Variants in SPINT1 observed in about 807,000 individuals in gnomAD.
SPINT1 encodes the protein serine peptidase inhibitor, Kunitz type 1.
Under a neutral mutation model 53.7 loss-of-function variants are expected in SPINT1, and 38 were observed. The ratio of observed to expected loss-of-function variants is 0.71; its 90% CI spans 0.55 to 0.93. The LOEUF is 0.93. Among genes scored for constraint, SPINT1 ranks in the 40% least tolerant of loss-of-function variants. SPINT1 has a pLI of 0.00. For missense variants in SPINT1, 645 were observed against 692.9 expected (o/e 0.93, Z 0.78); for synonymous variants, 283 against 280.6 (o/e 1.01, Z -0.08).
chr15:40,854,671 C>G lies in SPINT1; in HGVS notation c.1099C>G (p.His367Asp). Residue 367 changes from histidine to aspartate, a missense_variant, in exon 8 of 11, where the codon CAT becomes GAT. His to Asp is a moderately conservative substitution (Grantham distance 81). Transcript: ENST00000562057. ...TGGCTTTGACGAGCTCCAGCGCATC[C>G]ATTTCCCCAGTGACAAAGGTGAGAT... Reference protein sequence around the residue: ...TSGFDELQRIHFPSDKGHCVD... With the variant: ...TSGFDELQRIDFPSDKGHCVD... The G allele has an allele frequency of 6.2e-7, 1 of 1,614,184 alleles. No individual in the cohort carries two copies.
chr15:40,845,171 G>T lies in SPINT1; in HGVS notation c.475+142G>T, dbSNP rs536678624. The T allele has an allele frequency of 8.3e-6, 6 of 721,066 alleles. No individual in the cohort carries two copies. In the African/African-American group the frequency reaches 1.1e-4, roughly 13 times the overall value. The allele number at this position is 721,066 out of a possible 1,614,324, so 44.7% of individuals were successfully genotyped here. ...TTTTTCTTTCTTTTTTTTTGCGACGGAGTCTCGCTCTTGTCGCCCAGGCTG... is the reference window on the plus strand; with the variant it reads ...TTTTTCTTTCTTTTTTTTTGCGACGTAGTCTCGCTCTTGTCGCCCAGGCTG... On this transcript the variant is annotated intron_variant, in intron 2 of 10. Transcript: ENST00000562057.
intron 3 of SPINT1, 101 bp downstream of exon 3, chr15:40,853,352 G>C: frequency 1.2e-6 from 2 of 1,600,614 alleles, no homozygotes; most frequent in South Asian, 2.2e-5. Flanking sequence ...GATGGGATGG[G>C]GTGGAGAGAG....
chr15:40,844,740 G>C lies in SPINT1; in HGVS notation c.186G>C (p.Val62=). 1 of 1,610,336 alleles carries C rather than the reference G, an allele frequency of 6.2e-7. No individual in the cohort carries two copies. The stretch of plus-strand genomic sequence containing the variant: ...TTACCGCCGGGGTGCCTGGCTTCGT[G>C]CTGGACACCAACGCCTCGGTCAGCA... The part of the protein sequence containing the change: ...NSFTAGVPGF[V]LDTNASVSNG... The change falls in exon 2 of 11, where the codon GTG becomes GTC. Residue 62 remains valine, a synonymous_variant. Coordinates refer to ENST00000562057, the MANE Select transcript of SPINT1 (RefSeq NM_003710.4). This position sits in a 1 kb window ranked among gnomAD's most constrained non-coding sequence, Gnocchi z 5.8.
rs746971808 is a variant in SPINT1 at position 40,853,751 on chromosome 15, C to T, written c.783C>T (p.Gly261=). The T allele has an allele frequency of 1.7e-5, 28 of 1,614,068 alleles. No homozygotes were observed. The highest frequency in any genetic ancestry group is 2.3e-5 in the Non-Finnish European group (27 of 1,180,004). The part of the protein sequence containing the change: ...LASNKVGRCR[G]SFPRWYYDPT... ...CCAACAAGGTGGGTCGCTGCCGGGG[C>T]TCTTTCCCACGCTGGTACTATGACC... The change falls in exon 5 of 11, where the codon GGC becomes GGT. Residue 261 remains glycine, a synonymous_variant. Coordinates refer to ENST00000562057, the MANE Select transcript of SPINT1 (RefSeq NM_003710.4).
At chr15:40,850,932 G>A (rs937480907) in intron 2 of SPINT1, among the ~76,000 whole-genome samples, 5 of 152,200 alleles carry the variant, frequency 3.3e-5, no homozygotes, top group Non-Finnish European at 7.3e-5. Context: ...GGAGGTCAAT[G>A]TCTGGTGCAG....
rs745605901 is a variant in SPINT1 at position 40,845,006 on chromosome 15, A to C, written c.452A>C (p.Gln151Pro). ...AGGGAAGTGTACCGCTCCTACCGCC[A>C]GCTGCGGACCCAGGGCTTTGGAGGT... The part of the protein sequence containing the change: ...LTREVYRSYR[Q>P]LRTQGFGGSG... Residue 151 changes from glutamine (Q) to proline (P), a missense_variant, in exon 2 of 11, where the codon CAG (glutamine) becomes CCG (proline). By Grantham distance (76) the Gln-to-Pro change is moderately conservative. Coordinates refer to ENST00000562057, the MANE Select transcript of SPINT1 (RefSeq NM_003710.4). The C allele has an allele frequency of 3.7e-6, 6 of 1,611,084 alleles. No homozygotes were observed. The highest frequency in any genetic ancestry group is 4.2e-6 in the Non-Finnish European group (5 of 1,178,526).
In SPINT1 at chr15:40,850,858, G is replaced by A. The variant is rs138832805; in HGVS notation, c.476-2266G>A. Reference sequence around the variant, plus strand: ...AATAGCTGCTGCTCAGAGCTCAGGAGTGCTCCTGCTGCCCAAGCCCTGGGC... The same window carrying A: ...AATAGCTGCTGCTCAGAGCTCAGGAATGCTCCTGCTGCCCAAGCCCTGGGC... On this transcript the variant is annotated intron_variant, in intron 2 of 10. Coordinates refer to ENST00000562057, the MANE Select transcript of SPINT1 (RefSeq NM_003710.4). Among the ~76,000 whole-genome samples, 413 of 152,290 alleles carry A rather than the reference G, an allele frequency of 2.7e-3. 2 individuals carry two copies. Among genetic ancestry groups the A allele is most frequent in the Middle Eastern group, 0.01 (3 of 294 alleles).
chr15:40,854,340 G>A, intron 6 of SPINT1, 57 bp from the exon 7 acceptor site: 1 of 1,512,140 alleles, frequency 6.6e-7, no homozygotes, highest in Admixed American at 2.3e-5. Context: ...CCAAGTAGAA[G>A]GTGGGCCCTG....
rs749602451 is a variant in SPINT1, at chr15:40,856,919, T to G, written c.1486T>G (p.Ser496Ala). 1 of 1,614,068 alleles carries G rather than the reference T, an allele frequency of 6.2e-7. No individual in the cohort carries two copies. Among genetic ancestry groups the G allele is most frequent in the South Asian group, 1.1e-5 (1 of 91,062 alleles). Residue 496 changes from serine to alanine, a missense_variant, in exon 11 of 11, where the codon TCC (serine) becomes GCC (alanine). Physicochemically the swap from Ser to Ala is moderately conservative, Grantham distance 99. Coordinates refer to ENST00000562057, the MANE Select transcript of SPINT1 (RefSeq NM_003710.4). The stretch of plus-strand genomic sequence containing the variant: ...ACCCACCCCTGCCAGCTCCACTGTC[T>G]CCACTACCGAGGACACGGAGCACCT... ...PPPTPASSTVSTTEDTEHLVY... is the reference protein window; with the variant it reads ...PPPTPASSTVATTEDTEHLVY...
chr15:40,856,798 C>T lies in SPINT1; in HGVS notation c.1365C>T (p.Phe455=). 6.2e-7 allele frequency: 1 copy of T among 1,614,186 alleles called. No homozygotes were observed. The highest frequency in any genetic ancestry group is 2.2e-5 in the East Asian group (1 of 44,894). Residue 455 remains phenylalanine (F), a synonymous_variant, in exon 11 of 11, where the codon TTC becomes TTT. Coordinates refer to ENST00000562057, the MANE Select transcript of SPINT1 (RefSeq NM_003710.4). ...TGSVEMAVAV[F]LVICIVVVVA... ...CTGTGGAGATGGCTGTCGCAGTGTT[C>T]CTGGTCATCTGCATTGTGGTGGTGG...
chr15:40,844,842 C>T lies in SPINT1; in HGVS notation c.288C>T (p.Asn96=). The change falls in exon 2 of 11, where the codon AAC becomes AAT. Residue 96 remains asparagine, a synonymous_variant. Transcript: ENST00000562057. This position sits in a 1 kb window ranked among gnomAD's most constrained non-coding sequence, Gnocchi z 5.8. The part of the protein sequence containing the change: ...DCVRACCTTQ[N]CNLALVELQP... Reference sequence around the variant, plus strand: ...TGCGCGCCTGCTGCACCACCCAGAACTGCAACTTGGCGCTAGTGGAGCTGC... The same window carrying T: ...TGCGCGCCTGCTGCACCACCCAGAATTGCAACTTGGCGCTAGTGGAGCTGC... 6.2e-7 allele frequency: 1 copy of T among 1,613,900 alleles called. No individual in the cohort carries two copies. The highest frequency in any genetic ancestry group is 8.5e-7 in the Non-Finnish European group (1 of 1,180,012).
Position 40,844,675 on chromosome 15 carries a change from C to T in SPINT1, c.121C>T (p.Pro41Ser), listed in dbSNP as rs770138846. The T allele has an allele frequency of 1.7e-5, 27 of 1,605,596 alleles. No homozygotes were observed. The highest frequency in any genetic ancestry group is 1.2e-4 in the African/African-American group (9 of 74,598). ...QGTQAGPPPA[P>S]PGLPAGADCL... ...CACCCAGGCCGGGCCACCGCCCGCGCCCCCTGGGCTGCCCGCGGGAGCCGA... is the reference window on the plus strand; with the variant it reads ...CACCCAGGCCGGGCCACCGCCCGCGTCCCCTGGGCTGCCCGCGGGAGCCGA... The change falls in exon 2 of 11, where the codon CCC becomes TCC. Residue 41 changes from proline (P) to serine (S), a missense_variant. Coordinates refer to ENST00000562057, the MANE Select transcript of SPINT1 (RefSeq NM_003710.4). The surrounding 1 kb of genome is among the most constrained non-coding windows in gnomAD (Gnocchi z 5.8).
In SPINT1 at chr15:40,856,905, C is replaced by CCAG; in HGVS notation, c.1474_1476dup (p.Ser493dup). ...CACCACCACCCACCACCCACCCCTGCCAGCTCCACTGTCTCCACTACCGAG... is the reference window on the plus strand; with the variant it reads ...CACCACCACCCACCACCCACCCCTGCCAGCAGCTCCACTGTCTCCACTACCGAG... On this transcript the variant is annotated inframe_insertion, in exon 11 of 11. Coordinates refer to ENST00000562057, the MANE Select transcript of SPINT1 (RefSeq NM_003710.4). 1 of 1,614,194 alleles carries CCAG rather than the reference C, an allele frequency of 6.2e-7. No homozygotes were observed. Among genetic ancestry groups the CCAG allele is most frequent in the Admixed American group, 1.7e-5 (1 of 60,016 alleles).
chr15:40,855,777 C>A (rs1424024527), intron 8 of SPINT1, 115 bp from the exon 9 acceptor site: 7 of 1,179,676 alleles, frequency 5.9e-6, no homozygotes, highest in Non-Finnish European at 8.2e-6. Flanking sequence ...GCCTCTCAGG[C>A]CCTCCCTGAG....
chr15:40,851,575 T>C (rs1281907115), intron 2 of SPINT1, among the ~76,000 whole-genome samples: 1 of 152,250 alleles, frequency 6.6e-6, no homozygotes, highest in Non-Finnish European at 1.5e-5. Context: ...TAGCCTGCCA[T>C]GGCCTCCTTT....
rs933416959 is a variant in SPINT1 at position 40,856,302 on chromosome 15, G to A, written c.1315G>A (p.Glu439Lys). The A allele has an allele frequency of 4.3e-6, 7 of 1,614,172 alleles. No individual in the cohort carries two copies. Among genetic ancestry groups the A allele is most frequent in the Non-Finnish European group, 5.9e-6 (7 of 1,180,034 alleles). ...SKKDVFGLRREIPIPSTGSVE... is the reference protein window; with the variant it reads ...SKKDVFGLRRKIPIPSTGSVE... ...GAAGGATGTGTTTGGCCTGAGGCGGGAAATCCCCATTCCCAGCACAGGTAA... is the reference window on the plus strand; with the variant it reads ...GAAGGATGTGTTTGGCCTGAGGCGGAAAATCCCCATTCCCAGCACAGGTAA... The change falls in exon 10 of 11, where the codon GAA (glutamate) becomes AAA (lysine). Residue 439 changes from glutamate to lysine, a missense_variant. Physicochemically the swap from Glu to Lys is moderately conservative, Grantham distance 56. Transcript: ENST00000562057.
chr15:40,857,046 A>C lies in SPINT1; in HGVS notation c.*71A>C. ...AAGGCAGAGGCCTGGGCTGGGAAAAACTTTGGAACCAGACTCTTGCCTGTT... is the reference window on the plus strand; with the variant it reads ...AAGGCAGAGGCCTGGGCTGGGAAAACCTTTGGAACCAGACTCTTGCCTGTT... On this transcript the variant is annotated 3_prime_UTR_variant, in exon 11 of 11. Transcript: ENST00000562057. The C allele has an allele frequency of 1.3e-6, 2 of 1,570,110 alleles. 1 individual carries two copies. The highest frequency in any genetic ancestry group is 2.7e-5 in the African/African-American group (2 of 73,818).
chr15:40,853,486 C>T lies in SPINT1; in HGVS notation c.604-3C>T. On this transcript the variant is annotated splice_polypyrimidine_tract_variant and splice_region_variant and intron_variant, in intron 3 of 10. Transcript: ENST00000562057. The stretch of plus-strand genomic sequence containing the variant: ...CAAGCCTGATAGCCACTCCTGTGTG[C>T]AGAGGAAAGACCCAAACCAGGTGGA... 6.2e-7 allele frequency: 1 copy of T among 1,614,108 alleles called. No homozygotes were observed. The highest frequency in any genetic ancestry group is 8.5e-7 in the Non-Finnish European group (1 of 1,180,008).
rs184747051 is a variant in SPINT1, at chr15:40,850,357, C to T, written c.476-2767C>T. Among the ~76,000 whole-genome samples, 25 of 152,364 alleles carry T rather than the reference C, an allele frequency of 1.6e-4. No individual in the cohort carries two copies. The East Asian group carries it at 4.8e-3, about 29-fold the overall frequency. ...AAGTGCTGGGATTACAGGCGTGAGC[C>T]ACCGCACCCGGCTGTTGTTTTTTCA... is the stretch of plus-strand genomic sequence containing the variant. On this transcript the variant is annotated intron_variant, in intron 2 of 10. Coordinates refer to ENST00000562057, the MANE Select transcript of SPINT1 (RefSeq NM_003710.4).
Sources: gnomAD v4.1 joint callset for allele counts (sites outside exome capture counted in the v4.1 genomes callset) on GRCh38, gnomAD v4.1.1 for gene constraint, Gnocchi (gnomAD v3.1) non-coding constraint, MANE v1.5 for transcripts, NCBI Gene and HGNC (gene_info 2026-07-23, HGNC 2026-07-21) for gene names.